EBF3: variants seen among roughly 807,000 people sequenced by gnomAD.
The protein encoded by EBF3 is EBF transcription factor 3.
A neutral mutation model predicts 77.1 loss-of-function variants in EBF3; 18 were observed. The observed-to-expected ratio is 0.23, with a 90% CI of 0.16 to 0.35. EBF3 has a LOEUF of 0.35. Ranked by LOEUF, EBF3 falls within the 10% of genes least tolerant of loss-of-function variation. EBF3 has a pLI of 1.00. For missense variants in EBF3, 558 were observed against 860.0 expected (o/e 0.65, Z 4.39); for synonymous variants, 350 against 343.5 (o/e 1.02, Z -0.21).
chr10:129,884,754 C>A (rs781380617), intron 6 of EBF3, among the ~76,000 whole-genome samples: 1 of 152,172 alleles, frequency 6.6e-6, no homozygotes, highest in East Asian at 1.9e-4. Flanking sequence ...ACACGCTATC[C>A]TGCATGTAAA....
rs920301142 is a variant in EBF3 at position 129,842,369 on chromosome 10, A to G, written c.1195-76T>C. ...CTGGCCGCACTCTCGGGGGCCCACC[A>G]TGGTGGCATCCCACTGTCCCTTGCC... On this transcript the variant is annotated intron_variant, in intron 12 of 16. Transcript: ENST00000440978. This position sits in a 1 kb window ranked among gnomAD's most constrained non-coding sequence, Gnocchi z 4.4. 8.7e-6 allele frequency: 13 copies of G among 1,493,366 alleles called. No individual in the cohort carries two copies. The Admixed American group carries it at 1.6e-4, about 18-fold the overall frequency. The allele number at this position is 1,493,366 out of a possible 1,614,324, so 92.5% of individuals were successfully genotyped here. A position where few individuals can be genotyped will look rare whatever the true frequency, so the allele number is the denominator to read the frequency against.
chr10:129,864,001 C>A lies in EBF3; in HGVS notation c.1039+3140G>T, dbSNP rs1328248427. Among the ~76,000 whole-genome samples, 1 of 152,138 alleles carries A rather than the reference C, an allele frequency of 6.6e-6. No individual in the cohort carries two copies. Among genetic ancestry groups the A allele is most frequent in the Non-Finnish European group, 1.5e-5 (1 of 68,032 alleles). ...TCCCTGAAGCTTCGGGCAGCCAGGA[C>A]CCTGAGCTTGTGCCTGAGAAGCCCA... On this transcript the variant is annotated intron_variant, in intron 10 of 16. Transcript: ENST00000440978. The surrounding 1 kb of genome is among the most constrained non-coding windows in gnomAD (Gnocchi z 4.4).
At chr10:129,949,314 CAGAA>C (rs949402353) in intron 6 of EBF3, among the ~76,000 whole-genome samples, 40 of 152,256 alleles carry the variant, frequency 2.6e-4, no homozygotes, top group African/African-American at 7.7e-4. Context: ...AAAACACACA[CAGAA>C]AAGAAAAGAA....
intron 6 of EBF3, among the ~76,000 whole-genome samples, chr10:129,927,871 A>T (rs999272224): frequency 2.8e-4 from 42 of 152,114 alleles, no homozygotes; most frequent in Non-Finnish European, 4.7e-4. Flanking sequence ...CTCAGTTAGG[A>T]CACAGGGATG....
In EBF3 at chr10:129,938,009, G is replaced by A. The variant is rs549409259; in HGVS notation, c.554+19249C>T. On this transcript the variant is annotated intron_variant, in intron 6 of 16. Transcript: ENST00000440978. The surrounding 1 kb of genome is among the most constrained non-coding windows in gnomAD (Gnocchi z 5.1). ...CAAAATGCATTAGTCAAAATACTTCGAAATGGTACAAGCTATTTTCTGGCA... is the reference window on the plus strand; with the variant it reads ...CAAAATGCATTAGTCAAAATACTTCAAAATGGTACAAGCTATTTTCTGGCA... 4.0e-4 allele frequency among the ~76,000 whole-genome samples: 61 copies of A among 152,220 alleles called. No homozygotes were observed. The highest frequency in any genetic ancestry group is 1.3e-3 in the African/African-American group (56 of 41,520).
chr10:129,869,386 A>T (rs964261294), intron 8 of EBF3, among the ~76,000 whole-genome samples: 1 of 151,210 alleles, frequency 6.6e-6, no homozygotes, highest in African/African-American at 2.4e-5. Context: ...TAACCAAGCC[A>T]CCCGCCCCCC....
chr10:129,931,008 A>G (rs1856992484), intron 6 of EBF3, among the ~76,000 whole-genome samples: 1 of 146,158 alleles, frequency 6.8e-6, no homozygotes, highest in African/African-American at 2.6e-5. Flanking sequence ...TCCCCCTCTC[A>G]TATACCTATA....
chr10:129,927,244 G>C (rs1452212072), intron 6 of EBF3, among the ~76,000 whole-genome samples: 1 of 152,218 alleles, frequency 6.6e-6, no homozygotes, highest in Admixed American at 6.5e-5. Context: ...ACCAGCACCA[G>C]CATGACGTGG....
At chr10:129,928,893 G>C (rs1856836143) in intron 6 of EBF3, among the ~76,000 whole-genome samples, 1 of 152,200 alleles carries the variant, frequency 6.6e-6, no homozygotes, top group Non-Finnish European at 1.5e-5. Context: ...TCTGTTCTGT[G>C]AACTTTTCCA....
intron 6 of EBF3, among the ~76,000 whole-genome samples, chr10:129,942,082 C>G (rs1857790487): frequency 6.6e-6 from 1 of 152,220 alleles, no homozygotes; most frequent in Admixed American, 6.5e-5. Context: ...CCTCAGGGAG[C>G]CCCGCCTCAC....
chr10:129,871,095 C>G (rs566170872), intron 8 of EBF3, among the ~76,000 whole-genome samples: 2 of 152,164 alleles, frequency 1.3e-5, no homozygotes, highest in Non-Finnish European at 2.9e-5. Context: ...GCTAAAGCCC[C>G]GCAGCCTGGA....
intron 6 of EBF3, among the ~76,000 whole-genome samples, chr10:129,896,567 G>A (rs1854398837): frequency 6.6e-6 from 1 of 152,204 alleles, no homozygotes; most frequent in Non-Finnish European, 1.5e-5. Context: ...CCTGCACAGC[G>A]AGTGGGGGGC....
At chr10:129,887,489 G>A (rs1035698219) in intron 6 of EBF3, among the ~76,000 whole-genome samples, 1 of 152,172 alleles carries the variant, frequency 6.6e-6, no homozygotes, top group African/African-American at 2.4e-5. Flanking sequence ...CTAAGACAAT[G>A]GAAGAGTAAA....
intron 4 of EBF3, among the ~76,000 whole-genome samples, chr10:129,961,026 T>C (rs1859475290): frequency 6.6e-6 from 1 of 152,320 alleles, no homozygotes; most frequent in African/African-American, 2.4e-5. Context: ...GGTTTACCAC[T>C]GCAGGCATTA....
chr10:129,891,518 C>T (rs879911529), intron 6 of EBF3, among the ~76,000 whole-genome samples: 4 of 152,178 alleles, frequency 2.6e-5, no homozygotes, highest in Non-Finnish European at 5.9e-5. Flanking sequence ...TTGTCTTTGT[C>T]CTAAGGCCGT....
Position 129,963,057 on chromosome 10 carries a change from C to A in EBF3, c.292-52G>T, listed in dbSNP as rs1368407605. The A allele has an allele frequency of 3.1e-6, 5 of 1,607,338 alleles. No homozygotes were observed. In the East Asian group the frequency reaches 8.9e-5, roughly 29 times the overall value. On this transcript the variant is annotated intron_variant, in intron 2 of 16. Transcript: ENST00000440978. The surrounding 1 kb of genome is among the most constrained non-coding windows in gnomAD (Gnocchi z 7.1). ...TTAGTGCGATCGGTGTCAGGCGCGG[C>A]CACCACGCTCGGTCCCCCTCCGCGA...
chr10:129,861,242 C>T lies in EBF3; in HGVS notation c.1039+5899G>A, dbSNP rs1851612076. 6.6e-6 allele frequency among the ~76,000 whole-genome samples: 1 copy of T among 152,304 alleles called. No individual in the cohort carries two copies. The highest frequency in any genetic ancestry group is 3.4e-3 in the Middle Eastern group (1 of 294). On this transcript the variant is annotated intron_variant, in intron 10 of 16. Coordinates refer to ENST00000440978, the MANE Select transcript of EBF3 (RefSeq NM_001375380.1). This position sits in a 1 kb window ranked among gnomAD's most constrained non-coding sequence, Gnocchi z 4.3. ...GGCTCTGCCTAAGGGGCCCTGAGGA[C>T]CCTTGAAATGACCCCAGTGATGGCA...
At chr10:129,958,788 C>G in intron 5 of EBF3, 146 bp downstream of exon 5, 2 of 1,116,442 alleles carry the variant, frequency 1.8e-6, no homozygotes, top group South Asian at 1.8e-5. Flanking sequence ...CTCCGCGGCC[C>G]GGCGCGCGGC....
At chr10:129,880,299 C>T (rs1205669527) in intron 6 of EBF3, among the ~76,000 whole-genome samples, 1 of 151,982 alleles carries the variant, frequency 6.6e-6, no homozygotes, top group African/African-American at 2.4e-5. Flanking sequence ...TACACACATG[C>T]CACCCACACA....
Sources: gnomAD v4.1 joint callset for allele counts (sites outside exome capture counted in the v4.1 genomes callset) on GRCh38, gnomAD v4.1.1 for gene constraint, Gnocchi (gnomAD v3.1) non-coding constraint, MANE v1.5 for transcripts, NCBI Gene and HGNC (gene_info 2026-07-23, HGNC 2026-07-21) for gene names.